Variants in DNM3 observed in about 807,000 individuals in gnomAD.
DNM3 encodes dynamin 3.
DNM3 carries 47 observed loss-of-function variants against 101.6 expected under a neutral mutation model. The observed-to-expected ratio is 0.46, with a 90% confidence interval of 0.37 to 0.59. The LOEUF is 0.59. DNM3 is among the 20% of genes least tolerant of loss of function. The pLI, the probability that DNM3 is intolerant of heterozygous loss-of-function variation, is 0.00. For missense variants in DNM3, 849 were observed against 1,085.7 expected (o/e 0.78, Z 3.06); for synonymous variants, 385 against 387.9 (o/e 0.99, Z 0.09).
intron 7 of DNM3, among the ~76,000 whole-genome samples, chr1:172,040,658 T>G (rs2049310490): frequency 6.6e-6 from 1 of 152,118 alleles, no homozygotes; most frequent in South Asian, 2.1e-4. Flanking sequence ...GTTAATGTAC[T>G]GTGCCAAATG....
intron 13 of DNM3, among the ~76,000 whole-genome samples, chr1:172,123,703 A>T (rs2056453311): frequency 6.6e-6 from 1 of 152,216 alleles, no homozygotes; most frequent in Non-Finnish European, 1.5e-5. Flanking sequence ...CAATGTGAGA[A>T]GTCACTTTAC....
At chr1:172,358,852 T>C (rs889025339) in intron 17 of DNM3, among the ~76,000 whole-genome samples, 1 of 151,402 alleles carries the variant, frequency 6.6e-6, no homozygotes, top group African/African-American at 2.4e-5. Context: ...TTTGACTCCT[T>C]TCCGGGTCTC....
chr1:172,049,342 G>T (rs1031006590), intron 10 of DNM3, among the ~76,000 whole-genome samples: 11 of 152,136 alleles, frequency 7.2e-5, no homozygotes, highest in Admixed American at 5.2e-4. Context: ...CCACCTTAGT[G>T]AGGATTAAAC....
chr1:172,167,104 G>A (rs150319612), intron 14 of DNM3, among the ~76,000 whole-genome samples: 1,714 of 151,998 alleles, frequency 0.011, 43 homozygotes, highest in African/African-American at 0.039. Context: ...GGTGTGTGAT[G>A]TTCCTCACCC....
At chr1:172,305,464 C>T (rs574671830) in intron 15 of DNM3, among the ~76,000 whole-genome samples, 6 of 152,334 alleles carry the variant, frequency 3.9e-5, no homozygotes, top group African/African-American at 1.4e-4. Context: ...CAAGGAGGAA[C>T]TGGTAGCATT....
At chr1:172,274,275 G>C (rs1446902253) in intron 15 of DNM3, among the ~76,000 whole-genome samples, 1 of 152,046 alleles carries the variant, frequency 6.6e-6, no homozygotes, top group Non-Finnish European at 1.5e-5. Flanking sequence ...ATGATGCAGG[G>C]CAGATGGTGT....
intron 2 of DNM3, among the ~76,000 whole-genome samples, chr1:171,969,646 G>A (rs2043844030): frequency 6.6e-6 from 1 of 152,088 alleles, no homozygotes; most frequent in Non-Finnish European, 1.5e-5. Context: ...TCTAGAAAGG[G>A]TCTCTCCCAA....
intron 4 of DNM3, among the ~76,000 whole-genome samples, chr1:172,007,958 C>T (rs145915023): frequency 1.2e-4 from 18 of 151,952 alleles, no homozygotes; most frequent in Admixed American, 2.0e-4. Context: ...TAATTATTGA[C>T]GTTGAGCATT....
At position 172,058,249 on chromosome 1, in the gene DNM3, G is replaced by A. The variant is rs201947070; in HGVS notation, c.1335+9499G>A. ...AGACTCCCACACGTTAATAATGGGAGACTTTAACACCCCACTGTCAACATT... is the reference window on the plus strand; with the variant it reads ...AGACTCCCACACGTTAATAATGGGAAACTTTAACACCCCACTGTCAACATT... On this transcript the variant is annotated intron_variant, in intron 10 of 20. Transcript: ENST00000627582. Among the ~76,000 whole-genome samples, 4 of 151,912 alleles carry A rather than the reference G, an allele frequency of 2.6e-5. No individual in the cohort carries two copies. The East Asian group carries it at 7.7e-4, about 29-fold the overall frequency.
chr1:172,363,485 A>T (rs1376508252), intron 17 of DNM3, among the ~76,000 whole-genome samples: 2 of 151,858 alleles, frequency 1.3e-5, no homozygotes, highest in Non-Finnish European at 2.9e-5. Flanking sequence ...ACAATTTTCC[A>T]ATAATTTCTT....
At chr1:172,250,223 A>G (rs2062115258) in intron 14 of DNM3, among the ~76,000 whole-genome samples, 1 of 152,156 alleles carries the variant, frequency 6.6e-6, no homozygotes. Flanking sequence ...TTGCACAGAA[A>G]GTAGAACTTG....
At chr1:172,049,774 TG>T (rs1558484775) in intron 10 of DNM3, among the ~76,000 whole-genome samples, 1 of 151,860 alleles carries the variant, frequency 6.6e-6, no homozygotes, top group Admixed American at 6.6e-5. Context: ...GAAAAACCAG[TG>T]GGAAGAAAGA....
chr1:172,177,994 A>G (rs1182736553), intron 14 of DNM3, among the ~76,000 whole-genome samples: 1 of 151,942 alleles, frequency 6.6e-6, no homozygotes, highest in Non-Finnish European at 1.5e-5. Context: ...CAAACATCAT[A>G]GAGTGTTCTT....
At chr1:171,921,646 G>T in intron 1 of DNM3, 102 bp from the exon 2 acceptor site, 2 of 895,184 alleles carry the variant, frequency 2.2e-6, no homozygotes. Flanking sequence ...GCGATACATT[G>T]AAAGGTTGGG....
At chr1:172,014,384 A>G (rs1008626703) in intron 4 of DNM3, among the ~76,000 whole-genome samples, 1 of 152,214 alleles carries the variant, frequency 6.6e-6, no homozygotes, top group Non-Finnish European at 1.5e-5. Flanking sequence ...ACTGTCTTCC[A>G]AAGTGGCTAT....
At chr1:172,399,671 G>A (rs1558092442) in intron 20 of DNM3, 1 of 151,940 alleles carries the variant, frequency 6.6e-6, no homozygotes, top group Non-Finnish European at 1.5e-5. Context: ...TTTAAAATTT[G>A]AGCTCTAAAG....
intron 1 of DNM3, among the ~76,000 whole-genome samples, chr1:171,851,416 T>A (rs1193692814): frequency 6.6e-6 from 1 of 151,860 alleles, no homozygotes; most frequent in Non-Finnish European, 1.5e-5. Flanking sequence ...ATTAGAACGG[T>A]TGTTGTTTTT....
chr1:171,981,546 CA>C (rs1414876168), intron 2 of DNM3, among the ~76,000 whole-genome samples: 2 of 152,238 alleles, frequency 1.3e-5, no homozygotes, highest in African/African-American at 4.8e-5. Flanking sequence ...TTCCCCCAAA[CA>C]GTTTGTCAGT....
chr1:172,196,438 A>G (rs924641594), intron 14 of DNM3, among the ~76,000 whole-genome samples: 7 of 151,942 alleles, frequency 4.6e-5, no homozygotes, highest in African/African-American at 1.7e-4. Flanking sequence ...TGGGATTGCT[A>G]GGTCAAATGG....
Sources: allele counts gnomAD v4.1 joint callset (sites outside exome capture counted in the v4.1 genomes callset), GRCh38; gene constraint gnomAD v4.1.1; transcripts MANE v1.5; gene names NCBI Gene and HGNC (gene_info 2026-07-23, HGNC 2026-07-21).